The following INVS variants were observed in gnomAD, a reference collection of about 807,000 sequenced individuals.
INVS encodes inversin.
A neutral mutation model predicts 108.8 loss-of-function variants in INVS; 86 were observed. The ratio of observed to expected loss-of-function variants is 0.79; its 90% CI spans 0.66 to 0.95. The LOEUF is 0.95. Among genes scored for constraint, INVS ranks in the 40% least tolerant of loss-of-function variants. The pLI is 0.00. For missense variants in INVS, 1,169 were observed against 1,297.4 expected (o/e 0.90, Z 1.52); for synonymous variants, 455 against 473.5 (o/e 0.96, Z 0.51).
chr9:100,242,937 T>C (rs1831927126), intron 7 of INVS, among the ~76,000 whole-genome samples: 1 of 152,232 alleles, frequency 6.6e-6, no homozygotes, highest in Non-Finnish European at 1.5e-5. Context: ...CTGATCTTAT[T>C]CAGCTTTGCC....
At chr9:100,142,618 A>G (rs1828469243) in intron 3 of INVS, among the ~76,000 whole-genome samples, 1 of 152,238 alleles carries the variant, frequency 6.6e-6, no homozygotes, top group Non-Finnish European at 1.5e-5. Flanking sequence ...GAGACTCAAC[A>G]AAGAGTGAAT....
At chr9:100,238,232 T>C (rs889275392) in intron 5 of INVS, among the ~76,000 whole-genome samples, 119 of 152,180 alleles carry the variant, frequency 7.8e-4, no homozygotes, top group African/African-American at 2.8e-3. Context: ...AAAATGATTA[T>C]CCTGTGTACA....
chr9:100,141,096 C>G (rs1201612114), intron 3 of INVS, among the ~76,000 whole-genome samples: 1 of 152,074 alleles, frequency 6.6e-6, no homozygotes, highest in Non-Finnish European at 1.5e-5. Context: ...AAGAGCAGGG[C>G]ATGTGTGAGT....
chr9:100,110,330 G>T (rs760827740), intron 2 of INVS, among the ~76,000 whole-genome samples: 4 of 152,172 alleles, frequency 2.6e-5, no homozygotes, highest in Non-Finnish European at 5.9e-5. Context: ...GATGCAGAGA[G>T]GTTAAGTAAC....
At chr9:100,289,552 C>T (rs570755644) in intron 13 of INVS, among the ~76,000 whole-genome samples, 36 of 152,334 alleles carry the variant, frequency 2.4e-4, no homozygotes, top group Non-Finnish European at 5.0e-4. Context: ...CACCTGGGCT[C>T]ATTCATGAGG....
intron 13 of INVS, among the ~76,000 whole-genome samples, chr9:100,286,672 A>C (rs776815076): frequency 2.0e-5 from 3 of 152,218 alleles, no homozygotes; most frequent in Non-Finnish European, 4.4e-5. Context: ...TCATCCAACC[A>C]GCTTTAATTA....
intron 3 of INVS, among the ~76,000 whole-genome samples, chr9:100,199,024 G>A (rs1253915180): frequency 6.6e-6 from 1 of 152,148 alleles, no homozygotes; most frequent in Non-Finnish European, 1.5e-5. Context: ...ATCCTATTAT[G>A]TGTCACAAAA....
chr9:100,253,146 C>G lies in INVS; in HGVS notation c.1464+10C>G, dbSNP rs1185160222. 1 of 1,591,770 alleles carries G rather than the reference C, an allele frequency of 6.3e-7. No homozygotes were observed. Among genetic ancestry groups the G allele is most frequent in the Non-Finnish European group, 8.6e-7 (1 of 1,160,610 alleles). On this transcript the variant is annotated intron_variant, in intron 10 of 16. Coordinates refer to ENST00000262457, the MANE Select transcript of INVS (RefSeq NM_014425.5). ...CATTCAAGACAAAGAGGTAGAAATT[C>G]TGTCTTTTCTATATTGTTTGCTCCA...
At chr9:100,259,160 C>T (rs571445329) in intron 10 of INVS, among the ~76,000 whole-genome samples, 4 of 152,260 alleles carry the variant, frequency 2.6e-5, no homozygotes, top group Non-Finnish European at 4.4e-5. Context: ...CCTTGCAGTT[C>T]GATCTCAGAC....
At chr9:100,140,685 G>T (rs1211438697) in intron 3 of INVS, among the ~76,000 whole-genome samples, 1 of 152,144 alleles carries the variant, frequency 6.6e-6, no homozygotes, top group Non-Finnish European at 1.5e-5. Flanking sequence ...GAGAGATAAT[G>T]GGCGATGTTT....
In INVS at chr9:100,297,981, A is replaced by C. The variant is rs564405576; in HGVS notation, c.3062A>C (p.Lys1021Thr). The change falls in exon 16 of 17, where the codon AAA (lysine) becomes ACA (threonine). Residue 1021 changes from lysine (K) to threonine (T), a missense_variant. Around this residue, in one of 3 missense-constraint regions of INVS, gnomAD observed 533 missense variants for 536.0 expected, o/e 0.99. Coordinates refer to ENST00000262457, the MANE Select transcript of INVS (RefSeq NM_014425.5). ...GKIHHPTRSV[K>T]ASSVLRLNSV... ...ATACATCATCCTACAAGATCTGTAAAAGCCTCTTCTGTGCTGCGTCTCAAC... is the reference window on the plus strand; with the variant it reads ...ATACATCATCCTACAAGATCTGTAACAGCCTCTTCTGTGCTGCGTCTCAAC... 6.2e-6 allele frequency: 10 copies of C among 1,614,206 alleles called. No individual in the cohort carries two copies. In the South Asian group the frequency reaches 1.1e-4, roughly 18 times the overall value.
chr9:100,104,417 A>G, intron 1 of INVS, 81 bp from the exon 2 acceptor site: 1 of 770,034 alleles, frequency 1.3e-6, no homozygotes, highest in Non-Finnish European at 2.3e-6. Context: ...AGCCATATTT[A>G]TAAAATACCC....
intron 2 of INVS, chr9:100,116,929 G>A: frequency 6.8e-7 from 1 of 1,467,026 alleles, no homozygotes; most frequent in Non-Finnish European, 9.4e-7. Flanking sequence ...CCTTGGCGAA[G>A]TTGCCCAGGG....
intron 3 of INVS, among the ~76,000 whole-genome samples, chr9:100,183,232 C>A (rs1319251155): frequency 6.6e-6 from 1 of 152,012 alleles, no homozygotes; most frequent in African/African-American, 2.4e-5. Context: ...ATGTAACCAA[C>A]CTGCACGTTC....
At chr9:100,255,558 A>G (rs1225489978) in intron 10 of INVS, among the ~76,000 whole-genome samples, 1 of 152,092 alleles carries the variant, frequency 6.6e-6, no homozygotes, top group African/African-American at 2.4e-5. Context: ...GTTTGTCATA[A>G]ATAGCTCTTA....
rs183554692 is a variant in INVS at position 100,193,307 on chromosome 9, A to G, written c.274-32755A>G. Among the ~76,000 whole-genome samples the G allele has an allele frequency of 3.7e-4, 56 of 152,214 alleles. No homozygotes were observed. The East Asian group carries it at 0.01, about 27-fold the overall frequency. On this transcript the variant is annotated intron_variant, in intron 3 of 16. Coordinates refer to ENST00000262457, the MANE Select transcript of INVS (RefSeq NM_014425.5). ...CAATATATTTTGATTGATTTTTTAA[A>G]TCTCTTTTGCACAGATTCTTTATAA...
intron 3 of INVS, among the ~76,000 whole-genome samples, chr9:100,170,653 G>A (rs1381515644): frequency 6.6e-6 from 1 of 152,158 alleles, no homozygotes; most frequent in African/African-American, 2.4e-5. Context: ...GTTTAAATAG[G>A]TTTGTGTTTG....
intron 4 of INVS, among the ~76,000 whole-genome samples, chr9:100,226,763 A>G (rs928603212): frequency 6.7e-6 from 1 of 148,604 alleles, no homozygotes; most frequent in Non-Finnish European, 1.5e-5. Flanking sequence ...CAGTGAGCCC[A>G]GATAGTGCCA....
intron 11 of INVS, 110 bp downstream of exon 11, chr9:100,265,038 G>T: frequency 1.3e-6 from 1 of 741,128 alleles, no homozygotes; most frequent in East Asian, 2.6e-5. Flanking sequence ...CGCCTCCTGG[G>T]TTCAAGCAAT....
Sources: allele counts gnomAD v4.1 joint callset (sites outside exome capture counted in the v4.1 genomes callset), GRCh38; gene constraint gnomAD v4.1.1; regional missense constraint gnomAD v4.1.1; transcripts MANE v1.5; gene names NCBI Gene and HGNC (gene_info 2026-07-23, HGNC 2026-07-21).